Variants in CD99L2 observed in about 807,000 individuals in gnomAD.
The protein encoded by CD99L2 is CD99 molecule like 2.
Under a neutral mutation model 27.3 loss-of-function variants are expected in CD99L2, and 24 were observed. That is an observed-to-expected ratio of 0.88 (90% CI 0.64 to 1.24). The LOEUF is 1.24. Among genes scored for constraint, CD99L2 ranks in the 50% most tolerant of loss-of-function variants. The pLI, the probability that CD99L2 is intolerant of heterozygous loss-of-function variation, is 0.00. For synonymous variants in CD99L2, 97 were observed against 87.9 expected (o/e 1.10, Z -0.58); for missense variants, 255 against 221.6 (o/e 1.15, Z -0.96).
At chrX:150,790,331 G>A (rs1475734207) in intron 7 of CD99L2, among the ~76,000 whole-genome samples, 3 of 109,401 alleles carry the variant, frequency 2.7e-5, no homozygotes, top group African/African-American at 1.0e-4. Context: ...AGAACTATAT[G>A]TTACAAAGAG....
intron 1 of CD99L2, among the ~76,000 whole-genome samples, chrX:150,894,084 C>T (rs2047565298): frequency 9.0e-6 from 1 of 111,525 alleles, no homozygotes; most frequent in Non-Finnish European, 1.9e-5. Flanking sequence ...CAATCATAAA[C>T]TCTATCTAGT....
At chrX:150,824,625 G>A (rs781932808) in intron 2 of CD99L2, among the ~76,000 whole-genome samples, 3 of 87,270 alleles carry the variant, frequency 3.4e-5, no homozygotes, top group Admixed American at 1.2e-4. Flanking sequence ...GGAGAAGAAG[G>A]AGGAGAAGAA....
intron 1 of CD99L2, among the ~76,000 whole-genome samples, chrX:150,860,079 A>G (rs1240651169): frequency 9.0e-6 from 1 of 111,609 alleles, no homozygotes; most frequent in African/African-American, 3.3e-5. Flanking sequence ...AAAATCCTCA[A>G]CAAAATAATA....
intron 1 of CD99L2, among the ~76,000 whole-genome samples, chrX:150,859,320 G>A (rs1284869323): frequency 5.4e-5 from 6 of 110,580 alleles, no homozygotes; most frequent in African/African-American, 2.0e-4. Flanking sequence ...CCAAGATGGT[G>A]AAACCCCGTC....
intron 9 of CD99L2, among the ~76,000 whole-genome samples, chrX:150,771,106 G>C (rs782432985): frequency 8.9e-6 from 1 of 112,258 alleles, no homozygotes; most frequent in Non-Finnish European, 1.9e-5. Context: ...AAGAGTCTGT[G>C]TCTCATCCCT....
chrX:150,854,767 T>G (rs782152698), intron 1 of CD99L2, among the ~76,000 whole-genome samples: 1 of 111,084 alleles, frequency 9.0e-6, no homozygotes, highest in African/African-American at 3.3e-5. Flanking sequence ...GCCAACACCT[T>G]GACCTCAGAT....
chrX:150,806,368 A>G (rs1603295466), intron 4 of CD99L2, among the ~76,000 whole-genome samples: 1 of 111,101 alleles, frequency 9.0e-6, no homozygotes, highest in East Asian at 2.8e-4. Flanking sequence ...TGATTCTCCC[A>G]CCTCAGCCTG....
intron 4 of CD99L2, among the ~76,000 whole-genome samples, chrX:150,809,210 T>C (rs782415917): frequency 2.7e-5 from 3 of 111,707 alleles, no homozygotes; most frequent in Non-Finnish European, 5.6e-5. Flanking sequence ...TCAATGATTA[T>C]AAAATAACAA....
Position 150,898,651 on chromosome X carries a change from G to T in CD99L2, c.-63C>A. On this transcript the variant is annotated 5_prime_UTR_variant, in exon 1 of 11. Transcript: ENST00000370377. Reference sequence around the variant, plus strand: ...TAGCGCGAGAGCGCCCGAAGGGGAGGCCGAGGAGGAGCGGGAGGAGGAGCC... The same window carrying T: ...TAGCGCGAGAGCGCCCGAAGGGGAGTCCGAGGAGGAGCGGGAGGAGGAGCC... The T allele has an allele frequency of 1.0e-6, 1 of 1,000,818 alleles. No individual in the cohort carries two copies. The allele number at this position is 1,000,818 out of a possible 1,213,427, so 82.5% of individuals were successfully genotyped here.
chrX:150,897,566 T>G (rs1296931186), intron 1 of CD99L2, among the ~76,000 whole-genome samples: 1 of 110,303 alleles, frequency 9.1e-6, no homozygotes, highest in African/African-American at 3.3e-5. Flanking sequence ...TTTCCTGAGC[T>G]CACATATTTT....
intron 4 of CD99L2, among the ~76,000 whole-genome samples, chrX:150,798,374 A>T (rs1387146026): frequency 2.7e-5 from 3 of 109,888 alleles, no homozygotes; most frequent in Non-Finnish European, 3.8e-5. Flanking sequence ...GCCCAGATAT[A>T]AACCCTTGCA....
intron 9 of CD99L2, chrX:150,771,864 C>T (rs1056435338): frequency 1.0e-5 from 12 of 1,146,287 alleles, no homozygotes; most frequent in African/African-American, 9.0e-5. Flanking sequence ...GGAGTAAGAG[C>T]GCTCCTGACA....
At chrX:150,822,676 G>T (rs782775433) in intron 2 of CD99L2, among the ~76,000 whole-genome samples, 5 of 112,064 alleles carry the variant, frequency 4.5e-5, no homozygotes, top group African/African-American at 1.6e-4. Flanking sequence ...TGAAATGATG[G>T]ATATATTAAC....
intron 9 of CD99L2, chrX:150,771,740 G>T: frequency 3.6e-6 from 4 of 1,115,772 alleles, no homozygotes; most frequent in Non-Finnish European, 4.8e-6. Context: ...CGCCAGAGCA[G>T]GGGGCGAATG....
At chrX:150,876,614 A>G (rs1557422332) in intron 1 of CD99L2, among the ~76,000 whole-genome samples, 1 of 112,486 alleles carries the variant, frequency 8.9e-6, no homozygotes, top group Non-Finnish European at 1.9e-5. Context: ...TCCTGGGAAT[A>G]TAACAGTGAA....
intron 8 of CD99L2, 106 bp from the exon 9 acceptor site, chrX:150,776,399 C>T: frequency 2.2e-6 from 2 of 905,916 alleles, no homozygotes; most frequent in Non-Finnish European, 1.5e-6. Context: ...CTACTAGACG[C>T]CCCCAACCCC....
chrX:150,892,992 C>A (rs1557422918), intron 1 of CD99L2, among the ~76,000 whole-genome samples: 1 of 111,512 alleles, frequency 9.0e-6, no homozygotes, highest in African/African-American at 3.3e-5. Flanking sequence ...GGTGTGATGG[C>A]GGACTCCTGT....
At chrX:150,785,382 C>T (rs972978931) in intron 7 of CD99L2, among the ~76,000 whole-genome samples, 2 of 111,997 alleles carry the variant, frequency 1.8e-5, no homozygotes, top group South Asian at 3.7e-4. Flanking sequence ...CACTTTATCA[C>T]GTCTGCCATC....
rs2046129864 is a variant in CD99L2 at position 150,814,915 on chromosome X, T to C, written c.224A>G (p.Asp75Gly). The C allele has an allele frequency of 8.3e-7, 1 of 1,211,471 alleles. No individual in the cohort carries two copies. Among genetic ancestry groups the C allele is most frequent in the Non-Finnish European group, 1.1e-6 (1 of 895,345 alleles). Residue 75 changes from aspartate to glycine, a missense_variant, in exon 4 of 11, where the codon GAT becomes GGT. Physicochemically the swap from Asp to Gly is moderately conservative, Grantham distance 94. Coordinates refer to ENST00000370377, the MANE Select transcript of CD99L2 (RefSeq NM_031462.4). ...GCCATCATCTTGATCATCCAAAGCA[T>C]CAGCCAAGTCCAATCCACTACCTTC... ...KPPGSGLDLA[D>G]ALDDQDDGRR...
Sources: allele counts gnomAD v4.1 joint callset (sites outside exome capture counted in the v4.1 genomes callset), GRCh38; gene constraint gnomAD v4.1.1; transcripts MANE v1.5; gene names NCBI Gene and HGNC (gene_info 2026-07-23, HGNC 2026-07-21).